Variants in ASB2 observed in about 807,000 individuals in gnomAD.
ASB2 encodes the protein ankyrin repeat and SOCS box protein 2.
A neutral mutation model predicts 62.4 loss-of-function variants in ASB2; 58 were observed. That is an observed-to-expected ratio of 0.93 (90% CI 0.75 to 1.16). The LOEUF (loss-of-function observed/expected upper bound fraction) is 1.16. ASB2 is among the 50% of genes most tolerant of loss of function. The pLI, the probability that ASB2 is intolerant of heterozygous loss-of-function variation, is 0.00. For missense variants in ASB2, 928 were observed against 887.9 expected, an observed-to-expected ratio of 1.05 and a Z score of -0.57; for synonymous variants, 386 against 385.3, an observed-to-expected ratio of 1.00 and a Z score of -0.02.
At position 93,934,689 on chromosome 14, in the gene ASB2, C is replaced by T. The variant is rs1595295399; in HGVS notation, c.1875G>A (p.Leu625=). 1 of 1,614,172 alleles carries T rather than the reference C, an allele frequency of 6.2e-7. No homozygotes were observed. The highest frequency in any genetic ancestry group is 8.5e-7 in the Non-Finnish European group (1 of 1,180,002). The change falls in exon 10 of 10, where the codon CTG becomes CTA. Residue 625 remains leucine (L), a synonymous_variant. Coordinates refer to ENST00000555019, the MANE Select transcript of ASB2 (RefSeq NM_001202429.2). ...LLDTLPLPGR[L]IRYLKYENTQ Reference sequence around the variant, plus strand: ...TGTTCTCGTATTTCAGGTATCTAATCAGCCTGCCTGGGAGCGGCAAGGTGT... The same window carrying T: ...TGTTCTCGTATTTCAGGTATCTAATTAGCCTGCCTGGGAGCGGCAAGGTGT...
intron 5 of ASB2, 99 bp downstream of exon 5, chr14:93,953,253 C>T (rs566345614): frequency 1.5e-5 from 16 of 1,086,686 alleles, no homozygotes; most frequent in South Asian, 1.3e-4. Context: ...AGCAGGGCCA[C>T]GTTGGGGGTT....
At chr14:93,965,604 C>A (rs1042394475) in intron 1 of ASB2, among the ~76,000 whole-genome samples, 2 of 152,232 alleles carry the variant, frequency 1.3e-5, no homozygotes, top group Admixed American at 6.5e-5. Flanking sequence ...GGCTGGCTGA[C>A]TCACACTGTG....
At chr14:93,953,072 C>T (rs989142902) in intron 5 of ASB2, among the ~76,000 whole-genome samples, 4 of 152,340 alleles carry the variant, frequency 2.6e-5, no homozygotes, top group African/African-American at 7.2e-5. Flanking sequence ...CCCTTTCCTG[C>T]TCTCTGTGTG....
chr14:93,957,381 G>A (rs3814823), intron 2 of ASB2: 104,116 of 1,017,536 alleles, frequency 0.1, 7,189 homozygotes, highest in East Asian at 0.63. Flanking sequence ...GCTCATTAGG[G>A]GATCTTGTCC....
intron 2 of ASB2, among the ~76,000 whole-genome samples, chr14:93,963,997 G>A (rs980964716): frequency 6.6e-6 from 1 of 152,172 alleles, no homozygotes; most frequent in African/African-American, 2.4e-5. Flanking sequence ...AGGGAGCCAG[G>A]CAGCTCTGAT....
chr14:93,964,645 A>C, intron 1 of ASB2, 33 bp from the exon 2 acceptor site: 1 of 1,009,908 alleles, frequency 9.9e-7, no homozygotes, highest in Non-Finnish European at 1.5e-6. Context: ...CTGGTCACGA[A>C]CAGTTTTGCA....
intron 1 of ASB2, chr14:93,973,871 C>G (rs1160439945): frequency 6.6e-6 from 1 of 152,402 alleles, no homozygotes; most frequent in African/African-American, 2.4e-5. Flanking sequence ...CTCTGAGCCT[C>G]CCCAGCACCC....
intron 2 of ASB2, among the ~76,000 whole-genome samples, chr14:93,963,467 C>T (rs1889477351): frequency 1.3e-5 from 2 of 152,186 alleles, no homozygotes; most frequent in African/African-American, 4.8e-5. Context: ...AGATCAATCA[C>T]CGCTCTGCTT....
At chr14:93,966,545 G>C (rs1056458267) in intron 1 of ASB2, among the ~76,000 whole-genome samples, 1 of 152,226 alleles carries the variant, frequency 6.6e-6, no homozygotes, top group Non-Finnish European at 1.5e-5. Context: ...GTGAATGACA[G>C]GTTGATACAA....
In ASB2 at chr14:93,964,615, G is replaced by A. The variant is rs1889527492; in HGVS notation, c.-73-3C>T. The A allele has an allele frequency of 5.0e-6, 7 of 1,401,256 alleles. No individual in the cohort carries two copies. The Admixed American group carries it at 7.9e-5, about 16-fold the overall frequency. 86.8% of individuals were successfully genotyped at this position (1,401,256 alleles called of 1,614,324 possible). A position where few individuals can be genotyped will look rare whatever the true frequency, so the allele number is the denominator to read the frequency against. ...AGGGAACAGCAAATCAGAAAACCCT[G>A]TGAGGAAACCAAAACCATCCTGGTC... On this transcript the variant is annotated splice_polypyrimidine_tract_variant and splice_region_variant and intron_variant, in intron 1 of 9. Transcript: ENST00000555019.
At chr14:93,945,290 A>G (rs945442260) in intron 7 of ASB2, among the ~76,000 whole-genome samples, 5 of 152,108 alleles carry the variant, frequency 3.3e-5, no homozygotes, top group Non-Finnish European at 5.9e-5. Context: ...TGTTTGCCCA[A>G]CTCTGACTGA....
chr14:93,956,765 C>T lies in ASB2; in HGVS notation c.311+1G>A, dbSNP rs140394606. 1.0e-4 allele frequency: 162 copies of T among 1,614,042 alleles called. No individual in the cohort carries two copies. In the African/African-American group the frequency reaches 1.8e-3, roughly 18 times the overall value. On this transcript the variant is annotated splice_donor_variant, in intron 3 of 9. Transcript: ENST00000555019. LOFTEE classifies it high-confidence loss of function. ...CCTGGGGCCAGACAGGAGTCACTTA[C>T]GCCAGCTGGGAGGTCTTGAACAAGC... is the stretch of plus-strand genomic sequence containing the variant.
intron 7 of ASB2, among the ~76,000 whole-genome samples, chr14:93,944,291 G>T (rs563747482): frequency 6.6e-6 from 1 of 152,132 alleles, no homozygotes; most frequent in Non-Finnish European, 1.5e-5. Context: ...GATTTCATAC[G>T]GTGGCTTTGC....
intron 2 of ASB2, among the ~76,000 whole-genome samples, chr14:93,961,311 G>C (rs1595330232): frequency 6.6e-6 from 1 of 152,246 alleles, no homozygotes; most frequent in Non-Finnish European, 1.5e-5. Flanking sequence ...CAGCCAGTAA[G>C]TGTAGAGGAA....
chr14:93,936,471 T>C (rs191660089), intron 9 of ASB2, among the ~76,000 whole-genome samples: 39 of 152,250 alleles, frequency 2.6e-4, no homozygotes, highest in African/African-American at 7.9e-4. Context: ...CCAAGGATCG[T>C]GGTGACAGCA....
In ASB2 at chr14:93,939,348, C is replaced by T. The variant is rs1442349976; in HGVS notation, c.1377G>A (p.Leu459=). The part of the protein sequence containing the change: ...IRHGCLRTMQ[L]LLDHGANIDA... The stretch of plus-strand genomic sequence containing the variant: ...CGATGTTCGCGCCGTGGTCCAGCAG[C>T]AGCTGCATTGTGCGCAGGCAGCCGT... The change falls in exon 8 of 10, where the codon CTG becomes CTA. Residue 459 remains leucine, a synonymous_variant. Transcript: ENST00000555019. 1 of 1,612,486 alleles carries T rather than the reference C, an allele frequency of 6.2e-7. No individual in the cohort carries two copies. Among genetic ancestry groups the T allele is most frequent in the Admixed American group, 1.7e-5 (1 of 59,968 alleles).
intron 9 of ASB2, among the ~76,000 whole-genome samples, chr14:93,936,778 A>G (rs775620488): frequency 6.6e-6 from 1 of 152,144 alleles, no homozygotes; most frequent in Non-Finnish European, 1.5e-5. Flanking sequence ...AATGACAATG[A>G]CCTGCTGCAG....
At chr14:93,954,541 CCT>C in intron 3 of ASB2, 58 bp from the exon 4 acceptor site, 2 of 1,545,534 alleles carry the variant, frequency 1.3e-6, no homozygotes, top group East Asian at 2.2e-5. Flanking sequence ...GGCCAGGGGG[CCT>C]CTCTCTCAGG....
At chr14:93,957,359 G>C (rs371596976) in intron 2 of ASB2, 1 of 1,023,244 alleles carries the variant, frequency 9.8e-7, no homozygotes, top group East Asian at 9.7e-5. Context: ...TGCCCCCCAC[G>C]CCCACCTGCC....
Sources: gnomAD v4.1 joint callset for allele counts (sites outside exome capture counted in the v4.1 genomes callset) on GRCh38, gnomAD v4.1.1 for gene constraint, MANE v1.5 for transcripts, NCBI Gene and HGNC (gene_info 2026-07-23, HGNC 2026-07-21) for gene names.